The following BRPF1 variants were observed in gnomAD, a reference collection of about 807,000 sequenced individuals.
BRPF1 encodes bromodomain and PHD finger containing 1, also known as peregrin.
A neutral mutation model predicts 115.0 loss-of-function variants in BRPF1; 15 were observed. That is an observed-to-expected ratio of 0.13 (90% CI 0.09 to 0.20). BRPF1 has a LOEUF of 0.20. BRPF1 is among the 10% of genes least tolerant of loss of function. The probability of loss-of-function intolerance (pLI) is 1.00; values close to 1 mark genes in which losing one functional copy is unlikely to be tolerated. For synonymous variants in BRPF1, 647 were observed against 619.8 expected (o/e 1.04, Z -0.65); for missense variants, 1,118 against 1,638.3 (o/e 0.68, Z 5.48).
At position 9,743,503 on chromosome 3, in the gene BRPF1, T is replaced by C. The variant is rs960121597; in HGVS notation, c.2312-75T>C. On this transcript the variant is annotated intron_variant, in intron 7 of 13. Coordinates refer to ENST00000383829, the MANE Select transcript of BRPF1 (RefSeq NM_001003694.2). This position sits in a 1 kb window ranked among gnomAD's most constrained non-coding sequence, Gnocchi z 6.1. ...AGCCCAGGGGGGATGAGTGGGTTTC[T>C]TGCTGCCTGCCCAGGTTCAAGGGGC... 4.2e-5 allele frequency: 63 copies of C among 1,502,350 alleles called. No individual in the cohort carries two copies. The highest frequency in any genetic ancestry group is 5.1e-5 in the Non-Finnish European group (57 of 1,109,238). The allele number at this position is 1,502,350 out of a possible 1,614,324, so 93.1% of individuals were successfully genotyped here. A position where few individuals can be genotyped will look rare whatever the true frequency, so the allele number is the denominator to read the frequency against.
chr3:9,740,350 C>T (rs940205035), intron 3 of BRPF1, among the ~76,000 whole-genome samples: 2 of 152,188 alleles, frequency 1.3e-5, no homozygotes, highest in Non-Finnish European at 1.5e-5. Context: ...TACTGCTGCT[C>T]ATTTGGGCTG....
rs553862086 is a variant in BRPF1, at chr3:9,745,976, C to T, written c.3324+46C>T. 5.1e-6 allele frequency: 8 copies of T among 1,567,398 alleles called. No individual in the cohort carries two copies. The highest frequency in any genetic ancestry group is 4.1e-5 in the African/African-American group (3 of 74,072). ...CTTCTTGCTTTCCAATCCCAGAATA[C>T]AGATTCACAGTTAGCAGACTTTTCC... On this transcript the variant is annotated intron_variant, in intron 12 of 13. Coordinates refer to ENST00000383829, the MANE Select transcript of BRPF1 (RefSeq NM_001003694.2). The surrounding 1 kb of genome is among the most constrained non-coding windows in gnomAD (Gnocchi z 5.1).
Position 9,743,376 on chromosome 3 carries a change from A to G in BRPF1, c.2311+123A>G, listed in dbSNP as rs1227988271. ...CAGCTAGGCTGAGCAGTGGCAAGCT[A>G]TCCCCAGGAATGCTCCCCAAGAAGC... On this transcript the variant is annotated intron_variant, in intron 7 of 13. Coordinates refer to ENST00000383829, the MANE Select transcript of BRPF1 (RefSeq NM_001003694.2). This position sits in a 1 kb window ranked among gnomAD's most constrained non-coding sequence, Gnocchi z 6.1. The G allele has an allele frequency of 6.0e-6, 8 of 1,340,900 alleles. No homozygotes were observed. Among genetic ancestry groups the G allele is most frequent in the South Asian group, 3.0e-5 (2 of 67,428 alleles). The allele number at this position is 1,340,900 out of a possible 1,614,324, so 83.1% of individuals were successfully genotyped here.
chr3:9,746,189 A>G, intron 12 of BRPF1, 111 bp from the exon 13 acceptor site: 1 of 1,339,184 alleles, frequency 7.5e-7, no homozygotes, highest in Non-Finnish European at 1.0e-6. Context: ...CAGTTCTAGT[A>G]GCATGATACC....
intron 2 of BRPF1, among the ~76,000 whole-genome samples, chr3:9,735,858 G>C (rs1037875781): frequency 1.3e-5 from 2 of 152,098 alleles, no homozygotes; most frequent in Admixed American, 6.6e-5. Context: ...AGGCAAAAAA[G>C]GCATTCTGAT....
At chr3:9,746,565 C>A in intron 13 of BRPF1, 111 bp downstream of exon 13, 2 of 1,309,870 alleles carry the variant, frequency 1.5e-6, no homozygotes, top group South Asian at 1.7e-5. Flanking sequence ...TATCACAAGT[C>A]AGTGGGGGAG....
chr3:9,746,927 A>C (rs1349046869), intron 13 of BRPF1, among the ~76,000 whole-genome samples: 2 of 152,150 alleles, frequency 1.3e-5, no homozygotes, highest in African/African-American at 4.8e-5. Context: ...TGGTGAGGTC[A>C]GGGTGCCTCC....
At position 9,745,517 on chromosome 3, in the gene BRPF1, T is replaced by G; in HGVS notation, c.3069-56T>G. ...CTTTAAGAGCTGAGGGCACATACCA[T>G]GCTGTTCCCCATTCTTCCCCTCCTT... On this transcript the variant is annotated intron_variant, in intron 10 of 13. Coordinates refer to ENST00000383829, the MANE Select transcript of BRPF1 (RefSeq NM_001003694.2). This position sits in a 1 kb window ranked among gnomAD's most constrained non-coding sequence, Gnocchi z 5.1. 6.3e-7 allele frequency: 1 copy of G among 1,582,356 alleles called. No homozygotes were observed. Among genetic ancestry groups the G allele is most frequent in the Non-Finnish European group, 8.7e-7 (1 of 1,152,118 alleles).
At position 9,747,409 on chromosome 3, in the gene BRPF1, C is replaced by A; in HGVS notation, c.*60C>A. On this transcript the variant is annotated 3_prime_UTR_variant, in exon 14 of 14. Transcript: ENST00000383829. The surrounding 1 kb of genome is among the most constrained non-coding windows in gnomAD (Gnocchi z 5.6). ...TGACTTCTCTCCTCCCCTTTGCTCA[C>A]TGTCCTGGAGTGGCACCGGCCTCTG... The A allele has an allele frequency of 6.3e-7, 1 of 1,583,134 alleles. No homozygotes were observed. Among genetic ancestry groups the A allele is most frequent in the East Asian group, 2.2e-5 (1 of 44,446 alleles).
At chr3:9,740,665 CA>C in intron 3 of BRPF1, 113 bp from the exon 4 acceptor site, 1 of 1,347,102 alleles carries the variant, frequency 7.4e-7, no homozygotes, top group Non-Finnish European at 1.0e-6. Context: ...GCCTTTTGGA[CA>C]AGAGATCCTC....
Position 9,741,442 on chromosome 3 carries a change from G to C in BRPF1, c.1854+3G>C. On this transcript the variant is annotated splice_donor_region_variant and intron_variant, in intron 5 of 13. Coordinates refer to ENST00000383829, the MANE Select transcript of BRPF1 (RefSeq NM_001003694.2). The stretch of plus-strand genomic sequence containing the variant: ...GGGAAAAACTCAAAAGGGAGACGGT[G>C]AGTGCTCCTGGGCCAGCCCTATTTT... 1.3e-6 allele frequency: 2 copies of C among 1,584,546 alleles called. No individual in the cohort carries two copies. Among genetic ancestry groups the C allele is most frequent in the Non-Finnish European group, 1.7e-6 (2 of 1,163,382 alleles).
intron 2 of BRPF1, among the ~76,000 whole-genome samples, chr3:9,735,729 CAT>C (rs1215991964): frequency 6.6e-6 from 1 of 152,094 alleles, no homozygotes; most frequent in African/African-American, 2.4e-5. Flanking sequence ...GTTTCTTTAA[CAT>C]GAGGTAAAAG....
At position 9,739,401 on chromosome 3, in the gene BRPF1, C is replaced by CA; in HGVS notation, c.1004dup (p.Asn335LysfsTer11). On this transcript the variant is annotated frameshift_variant, in exon 3 of 14. Transcript: ENST00000383829. LOFTEE classifies it high-confidence loss of function. ...GTGCTGTGGATTGTGCCCTGTGCCC[C>CA]AACAAGGGCGGTGCCTTCAAGCAGA... 1 of 1,614,230 alleles carries CA rather than the reference C, an allele frequency of 6.2e-7. No homozygotes were observed. The highest frequency in any genetic ancestry group is 8.5e-7 in the Non-Finnish European group (1 of 1,180,048).
Position 9,739,515 on chromosome 3 carries a change from C to G in BRPF1, c.1116C>G (p.Asp372Glu). ...FANTVFLEPI[D>E]SIEHIPPARW... ...ACACGGTCTTCCTAGAGCCTATTGACAGCATTGAGCACATCCCACCAGCTC... is the reference window on the plus strand; with the variant it reads ...ACACGGTCTTCCTAGAGCCTATTGAGAGCATTGAGCACATCCCACCAGCTC... Residue 372 changes from aspartate to glutamate, a missense_variant, in exon 3 of 14, where the codon GAC becomes GAG. Around this residue, in one of 10 missense-constraint regions of BRPF1, gnomAD observed 64 missense variants for 172.8 expected, o/e 0.37. Transcript: ENST00000383829. 1 of 1,613,590 alleles carries G rather than the reference C, an allele frequency of 6.2e-7. No individual in the cohort carries two copies. The highest frequency in any genetic ancestry group is 8.5e-7 in the Non-Finnish European group (1 of 1,179,576).
chr3:9,736,555 C>T (rs1039234351), intron 2 of BRPF1, among the ~76,000 whole-genome samples: 2 of 152,294 alleles, frequency 1.3e-5, no homozygotes, highest in Admixed American at 1.3e-4. Flanking sequence ...CTCCCAATGG[C>T]CCTTGAGCTC....
In BRPF1 at chr3:9,739,254, G is replaced by T; in HGVS notation, c.855G>T (p.Gln285His). ...GTATCTGCAATGATGGTGAGTGCCA[G>T]AACAGCAATGTCATCCTCTTCTGTG... Reference protein sequence around the residue: ...VCCICNDGECQNSNVILFCDM... With the variant: ...VCCICNDGECHNSNVILFCDM... Residue 285 changes from glutamine (Q) to histidine (H), a missense_variant, in exon 3 of 14, where the codon CAG (glutamine) becomes CAT (histidine). Gln to His is a conservative substitution (Grantham distance 24). Coordinates refer to ENST00000383829, the MANE Select transcript of BRPF1 (RefSeq NM_001003694.2). 1 of 1,612,926 alleles carries T rather than the reference G, an allele frequency of 6.2e-7. No individual in the cohort carries two copies. Among genetic ancestry groups the T allele is most frequent in the Non-Finnish European group, 8.5e-7 (1 of 1,179,014 alleles).
Position 9,747,205 on chromosome 3 carries a change from G to A in BRPF1, c.3519G>A (p.Val1173=). 1 of 1,614,148 alleles carries A rather than the reference G, an allele frequency of 6.2e-7. No individual in the cohort carries two copies. The highest frequency in any genetic ancestry group is 1.1e-5 in the South Asian group (1 of 91,080). Residue 1173 remains valine (V), a synonymous_variant, in exon 14 of 14, where the codon GTG becomes GTA. Coordinates refer to ENST00000383829, the MANE Select transcript of BRPF1 (RefSeq NM_001003694.2). This position sits in a 1 kb window ranked among gnomAD's most constrained non-coding sequence, Gnocchi z 5.6. ...GGACCAAGCTGGTTCCTCTGGGTGT[G>A]AACCAGGACCTAGACAAGGAGAAGA... ...LPRTKLVPLG[V]NQDLDKEKML...
At position 9,747,043 on chromosome 3, in the gene BRPF1, C is replaced by A; in HGVS notation, c.3480-123C>A. On this transcript the variant is annotated intron_variant, in intron 13 of 13. Transcript: ENST00000383829. This position sits in a 1 kb window ranked among gnomAD's most constrained non-coding sequence, Gnocchi z 5.6. ...TAGACCATGAACAGTCCTTTGAGGGCAGGGACCATCACAGAGTCTGGCCAG... is the reference window on the plus strand; with the variant it reads ...TAGACCATGAACAGTCCTTTGAGGGAAGGGACCATCACAGAGTCTGGCCAG... The A allele has an allele frequency of 9.6e-7, 1 of 1,046,100 alleles. No homozygotes were observed. The highest frequency in any genetic ancestry group is 1.5e-6 in the Non-Finnish European group (1 of 688,258). 64.8% of individuals were successfully genotyped at this position (1,046,100 alleles called of 1,614,324 possible). A position where few individuals can be genotyped will look rare whatever the true frequency, so the allele number is the denominator to read the frequency against.
chr3:9,745,949 C>A lies in BRPF1; in HGVS notation c.3324+19C>A. 6.3e-7 allele frequency: 1 copy of A among 1,597,782 alleles called. No homozygotes were observed. Among genetic ancestry groups the A allele is most frequent in the Non-Finnish European group, 8.5e-7 (1 of 1,170,346 alleles). Reference sequence around the variant, plus strand: ...AGCTCTGGTATGCTTGCTTCTGTTACACTTCTTGCTTTCCAATCCCAGAAT... The same window carrying A: ...AGCTCTGGTATGCTTGCTTCTGTTAAACTTCTTGCTTTCCAATCCCAGAAT... On this transcript the variant is annotated intron_variant, in intron 12 of 13. Transcript: ENST00000383829. The surrounding 1 kb of genome is among the most constrained non-coding windows in gnomAD (Gnocchi z 5.1).
Sources: allele counts gnomAD v4.1 joint callset (sites outside exome capture counted in the v4.1 genomes callset), GRCh38; gene constraint gnomAD v4.1.1; regional missense constraint gnomAD v4.1.1; non-coding constraint Gnocchi (gnomAD v3.1); transcripts MANE v1.5; gene names NCBI Gene and HGNC (gene_info 2026-07-23, HGNC 2026-07-21).